Variants in PRKACB observed in about 807,000 individuals in gnomAD.
PRKACB encodes protein kinase cAMP-activated catalytic subunit beta.
Under a neutral mutation model 51.4 loss-of-function variants are expected in PRKACB, and 16 were observed. The observed-to-expected ratio is 0.31, with a 90% CI of 0.21 to 0.47. The LOEUF (loss-of-function observed/expected upper bound fraction) is 0.47. PRKACB is among the 20% of genes least tolerant of loss of function. PRKACB has a pLI of 1.00. For synonymous variants in PRKACB, 147 were observed against 154.4 expected, an observed-to-expected ratio of 0.95 and a Z score of 0.35; for missense variants, 309 against 464.5, an observed-to-expected ratio of 0.67 and a Z score of 3.08.
intron 9 of PRKACB, among the ~76,000 whole-genome samples, chr1:84,228,338 T>G (rs747996746): frequency 6.6e-6 from 1 of 152,200 alleles, no homozygotes. Context: ...TGGAGAATCA[T>G]GAATATGAAA....
At chr1:84,141,992 CTT>C (rs34947838), upstream of PRKACB, among the ~76,000 whole-genome samples, 73,299 of 151,680 alleles carry the variant, frequency 0.48, 18,239 homozygotes, top group Non-Finnish European at 0.56. Flanking sequence ...TTCTATTACT[CTT>C]GTCTCTATAT....
At chr1:84,228,694 C>T (rs969150451) in intron 9 of PRKACB, among the ~76,000 whole-genome samples, 9 of 152,066 alleles carry the variant, frequency 5.9e-5, no homozygotes, top group African/African-American at 2.2e-4. Flanking sequence ...TCTTTCCAAA[C>T]TCTCAGAAAG....
chr1:84,097,663 C>G (rs1649028697), intron 1 of PRKACB, among the ~76,000 whole-genome samples: 1 of 151,886 alleles, frequency 6.6e-6, no homozygotes, highest in Non-Finnish European at 1.5e-5. Flanking sequence ...AGTCTAAGTC[C>G]AAAGACCTGA....
intron 1 of PRKACB, among the ~76,000 whole-genome samples, chr1:84,093,032 T>C (rs1179705001): frequency 6.6e-6 from 1 of 152,114 alleles, no homozygotes; most frequent in Non-Finnish European, 1.5e-5. Flanking sequence ...TTCCGTTTCA[T>C]AGCTTGCCTT....
chr1:84,202,695 G>A lies in PRKACB; in HGVS notation c.796G>A (p.Ala266Thr). 1 of 1,608,904 alleles carries A rather than the reference G, an allele frequency of 6.2e-7. No individual in the cohort carries two copies. The highest frequency in any genetic ancestry group is 8.5e-7 in the Non-Finnish European group (1 of 1,176,900). Residue 266 changes from alanine (A) to threonine (T), a missense_variant, in exon 8 of 10, where the codon GCA (alanine) becomes ACA (threonine). Transcript: ENST00000370685. The stretch of plus-strand genomic sequence containing the variant: ...TGGTTTATCTCAGGGCTACAATAAG[G>A]CAGTGGATTGGTGGGCATTAGGAGT... ...EIILSKGYNK[A>T]VDWWALGVLI...
At chr1:84,233,165 A>G (rs1294516548) in intron 9 of PRKACB, among the ~76,000 whole-genome samples, 3 of 151,334 alleles carry the variant, frequency 2.0e-5, no homozygotes, top group African/African-American at 4.9e-5. Flanking sequence ...TTTCTCCTTC[A>G]CTTATGAAGC....
chr1:84,138,389 A>G (rs893747773), intron 1 of PRKACB, among the ~76,000 whole-genome samples: 3 of 152,226 alleles, frequency 2.0e-5, no homozygotes, highest in African/African-American at 7.2e-5. Flanking sequence ...TACATTAGAA[A>G]CAACTTTATT....
intron 8 of PRKACB, chr1:84,205,108 GTTT>G: frequency 1.0e-6 from 1 of 981,432 alleles, no homozygotes; most frequent in Non-Finnish European, 1.2e-6. Context: ...GTGTACTTTT[GTTT>G]TTTAACTAAA....
intron 9 of PRKACB, among the ~76,000 whole-genome samples, chr1:84,232,229 T>G (rs1675815039): frequency 6.6e-6 from 1 of 151,788 alleles, no homozygotes; most frequent in Non-Finnish European, 1.5e-5. Flanking sequence ...AGTTGAGCGG[T>G]TTTGAGTGAG....
At chr1:84,168,805 A>T (rs1658401509) in intron 1 of PRKACB, among the ~76,000 whole-genome samples, 2 of 151,564 alleles carry the variant, frequency 1.3e-5, no homozygotes, top group Non-Finnish European at 3.0e-5. Flanking sequence ...TTCATTCTAA[A>T]ACAGCTATAG....
chr1:84,174,581 G>T (rs1393688615), intron 1 of PRKACB, among the ~76,000 whole-genome samples: 1 of 151,876 alleles, frequency 6.6e-6, no homozygotes, highest in Non-Finnish European at 1.5e-5. Flanking sequence ...TGTTAAACCA[G>T]CACTGAGGAA....
At chr1:84,146,142 T>TG (rs1654026943) in intron 1 of PRKACB, among the ~76,000 whole-genome samples, 1 of 80,048 alleles carries the variant, frequency 1.2e-5, no homozygotes, top group African/African-American at 3.0e-5. Flanking sequence ...AAAATGCTGT[T>TG]TTGTTTTTTT....
At chr1:84,209,015 C>T (rs1671747119) in intron 8 of PRKACB, among the ~76,000 whole-genome samples, 1 of 152,172 alleles carries the variant, frequency 6.6e-6, no homozygotes, top group South Asian at 2.1e-4. Context: ...TAAATCAAAA[C>T]TCAGAATTAC....
intron 9 of PRKACB, among the ~76,000 whole-genome samples, chr1:84,218,875 A>G (rs1271939822): frequency 6.6e-6 from 1 of 151,998 alleles, no homozygotes; most frequent in Non-Finnish European, 1.5e-5. Context: ...TTTGATTTGC[A>G]TTTCCCTGAT....
chr1:84,116,811 T>A (rs773621358), intron 1 of PRKACB, among the ~76,000 whole-genome samples: 15 of 152,208 alleles, frequency 9.9e-5, no homozygotes, highest in Non-Finnish European at 1.5e-5. Flanking sequence ...CTTTTATTTC[T>A]TTCTCTTGCC....
chr1:84,227,234 T>G (rs1447302156), intron 9 of PRKACB, among the ~76,000 whole-genome samples: 2 of 152,130 alleles, frequency 1.3e-5, no homozygotes, highest in Non-Finnish European at 2.9e-5. Flanking sequence ...ATCTATTCCT[T>G]ATAAATTTTA....
At chr1:84,179,784 T>C (rs928410165) in intron 2 of PRKACB, among the ~76,000 whole-genome samples, 1 of 152,008 alleles carries the variant, frequency 6.6e-6, no homozygotes, top group African/African-American at 2.4e-5. Context: ...AAATAATGAA[T>C]GAATTTTAAT....
In PRKACB at chr1:84,199,902, G is replaced by A. The variant is rs544782719; in HGVS notation, c.783+2078G>A. On this transcript the variant is annotated intron_variant, in intron 7 of 9. Transcript: ENST00000370685. Reference sequence around the variant, plus strand: ...GCTCTGTCGCCCAGGCTGCAGTGCAGTGGCGTGATCTCGGTTCACTACAAC... The same window carrying A: ...GCTCTGTCGCCCAGGCTGCAGTGCAATGGCGTGATCTCGGTTCACTACAAC... Among the ~76,000 whole-genome samples, 350 of 152,182 alleles carry A rather than the reference G, an allele frequency of 2.3e-3. 1 individual carries two copies. The highest frequency in any genetic ancestry group is 3.9e-3 in the Non-Finnish European group (263 of 67,994).
chr1:84,233,043 A>G (rs11163918), intron 9 of PRKACB, among the ~76,000 whole-genome samples: 18,139 of 149,506 alleles, frequency 0.12, 1,791 homozygotes, highest in East Asian at 0.32. Flanking sequence ...ATTTTGCAGC[A>G]ACTGGTACCG....
Sources: gnomAD v4.1 joint callset for allele counts (sites outside exome capture counted in the v4.1 genomes callset) on GRCh38, gnomAD v4.1.1 for gene constraint, MANE v1.5 for transcripts, NCBI Gene and HGNC (gene_info 2026-07-23, HGNC 2026-07-21) for gene names.